Variants in KIF11 observed in about 807,000 individuals in gnomAD.
KIF11 encodes kinesin family member 11.
Under a neutral mutation model 121.0 loss-of-function variants are expected in KIF11, and 9 were observed. That is an observed-to-expected ratio of 0.07 (90% CI 0.04 to 0.13). The LOEUF (loss-of-function observed/expected upper bound fraction) is 0.13. Ranked by LOEUF, KIF11 falls within the 10% of genes least tolerant of loss-of-function variation. The pLI is 1.00. For missense variants in KIF11, 846 were observed against 1,217.5 expected (o/e 0.69, Z 4.54); for synonymous variants, 408 against 421.0 (o/e 0.97, Z 0.38).
chr10:92,597,446 G>C (rs1305422490), intron 1 of KIF11, among the ~76,000 whole-genome samples: 1 of 152,030 alleles, frequency 6.6e-6, no homozygotes. Context: ...TGTATTTTTA[G>C]TAGAGATGGG....
chr10:92,606,404 T>C lies in KIF11; in HGVS notation c.210+7T>C. On this transcript the variant is annotated splice_region_variant and intron_variant, in intron 2 of 21. Coordinates refer to ENST00000260731, the MANE Select transcript of KIF11 (RefSeq NM_004523.4). ...AACATACACTTTTGATATGGTAACA[T>C]ATGGTGCAATTTCTTTATTATCCAC... 1 of 1,583,666 alleles carries C rather than the reference T, an allele frequency of 6.3e-7. No individual in the cohort carries two copies. Among genetic ancestry groups the C allele is most frequent in the South Asian group, 1.2e-5 (1 of 85,386 alleles).
rs368961808 is a variant in KIF11, at chr10:92,618,359, A to G, written c.1128+1527A>G. ...CAGTTATAAGAAATAATACAGAGAA[A>G]ACAGGCCAGGCACGGTGGCTCATGC... On this transcript the variant is annotated intron_variant, in intron 9 of 21. Coordinates refer to ENST00000260731, the MANE Select transcript of KIF11 (RefSeq NM_004523.4). Among the ~76,000 whole-genome samples, 118 of 151,782 alleles carry G rather than the reference A, an allele frequency of 7.8e-4. 3 individuals are homozygous for G. The South Asian group carries it at 0.024, about 30-fold the overall frequency.
intron 1 of KIF11, among the ~76,000 whole-genome samples, chr10:92,597,619 G>A (rs1322332526): frequency 6.6e-6 from 1 of 150,930 alleles, no homozygotes; most frequent in African/African-American, 2.5e-5. Context: ...GGAAGATAAA[G>A]TCTTTTTTTT....
At chr10:92,603,959 A>G (rs1844403150) in intron 1 of KIF11, among the ~76,000 whole-genome samples, 3 of 152,122 alleles carry the variant, frequency 2.0e-5, no homozygotes, top group South Asian at 4.1e-4. Context: ...AAAATTACCT[A>G]TCACATAGTA....
chr10:92,637,529 A>T lies in KIF11; in HGVS notation c.2144A>T (p.Lys715Met). Residue 715 changes from lysine to methionine, a missense_variant, in exon 16 of 22, where the codon AAG becomes ATG. This residue lies in a region of KIF11 where 492 missense variants were observed against 603.4 expected (regional missense o/e 0.82). Coordinates refer to ENST00000260731, the MANE Select transcript of KIF11 (RefSeq NM_004523.4). ...CTAACTGAAGACCTGAAGACAATAAAGCAGACCCATTCCCAGGTATGTTGT... is the reference window on the plus strand; with the variant it reads ...CTAACTGAAGACCTGAAGACAATAATGCAGACCCATTCCCAGGTATGTTGT... ...GNLTEDLKTI[K>M]QTHSQELCKL... is the part of the protein sequence containing the mutation. 6.2e-7 allele frequency: 1 copy of T among 1,602,082 alleles called. No homozygotes were observed. The highest frequency in any genetic ancestry group is 8.5e-7 in the Non-Finnish European group (1 of 1,177,532).
chr10:92,651,874 G>A (rs1444647962), intron 21 of KIF11, among the ~76,000 whole-genome samples: 1 of 149,806 alleles, frequency 6.7e-6, no homozygotes, highest in Non-Finnish European at 1.5e-5. Flanking sequence ...CCTAGACAGA[G>A]TGTGTGAAGG....
chr10:92,616,102 G>C (rs930669472), intron 8 of KIF11, among the ~76,000 whole-genome samples: 11 of 152,104 alleles, frequency 7.2e-5, no homozygotes, highest in Admixed American at 3.9e-4. Flanking sequence ...CTTCCAAAGT[G>C]CTGGGATTAC....
intron 1 of KIF11, among the ~76,000 whole-genome samples, chr10:92,601,590 G>A (rs1195686961): frequency 1.4e-5 from 2 of 147,028 alleles, no homozygotes; most frequent in African/African-American, 5.0e-5. Flanking sequence ...TGGGCATTGG[G>A]CATCCTTGTC....
intron 3 of KIF11, 40 bp downstream of exon 3, chr10:92,606,756 T>A: frequency 1.0e-6 from 1 of 979,482 alleles, no homozygotes; most frequent in Non-Finnish European, 1.6e-6. Flanking sequence ...TGAAAAAGCT[T>A]AAATGCTTGT....
Position 92,616,774 on chromosome 10 carries a change from A to G in KIF11, c.1070A>G (p.Lys357Arg). The G allele has an allele frequency of 6.2e-7, 1 of 1,607,986 alleles. No homozygotes were observed. Among genetic ancestry groups the G allele is most frequent in the Non-Finnish European group, 8.5e-7 (1 of 1,176,960 alleles). The change falls in exon 9 of 22, where the codon AAG (lysine) becomes AGG (arginine). Residue 357 changes from lysine (K) to arginine (R), a missense_variant. Transcript: ENST00000260731. ...ACATTGGAATATGCTCATAGAGCAA[A>G]GAACATATTGAATAAGCCTGAAGTG... The part of the protein sequence containing the change: ...LSTLEYAHRA[K>R]NILNKPEVNQ...
At position 92,607,170 on chromosome 10, in the gene KIF11, C is replaced by G. The variant is rs753979982; in HGVS notation, c.320C>G (p.Thr107Ser). Reference protein sequence around the residue: ...YNCTIFAYGQTGTGKTFTMEG... With the variant: ...YNCTIFAYGQSGTGKTFTMEG... ...GTTAATCTTTACAGGTATGGCCAAA[C>G]TGGCACTGGAAAAACTTTTACAATG... The change falls in exon 4 of 22, where the codon ACT (threonine) becomes AGT (serine). Residue 107 changes from threonine (T) to serine (S), a missense_variant. Physicochemically the swap from Thr to Ser is moderately conservative, Grantham distance 58 (BLOSUM62 1). Coordinates refer to ENST00000260731, the MANE Select transcript of KIF11 (RefSeq NM_004523.4). 1 of 1,603,970 alleles carries G rather than the reference C, an allele frequency of 6.2e-7. No individual in the cohort carries two copies. Among genetic ancestry groups the G allele is most frequent in the South Asian group, 1.1e-5 (1 of 90,830 alleles).
chr10:92,600,614 T>C (rs926699566), intron 1 of KIF11, among the ~76,000 whole-genome samples: 1 of 151,982 alleles, frequency 6.6e-6, no homozygotes, highest in Non-Finnish European at 1.5e-5. Flanking sequence ...TTCAAGCGAT[T>C]CTCCTGCCTC....
chr10:92,598,350 T>C (rs1215845478), intron 1 of KIF11, among the ~76,000 whole-genome samples: 1 of 152,228 alleles, frequency 6.6e-6, no homozygotes, highest in Non-Finnish European at 1.5e-5. Context: ...GGTGAAAAGC[T>C]TGTCTTTTTC....
At chr10:92,650,065 A>C in intron 20 of KIF11, 79 bp downstream of exon 20, 1 of 1,095,084 alleles carries the variant, frequency 9.1e-7, no homozygotes. Flanking sequence ...GAAGAATTTT[A>C]CTGTTTACCC....
chr10:92,603,543 G>A (rs1844398769), intron 1 of KIF11, among the ~76,000 whole-genome samples: 1 of 152,052 alleles, frequency 6.6e-6, no homozygotes. Context: ...TAGAGATGAG[G>A]TTTCACCATA....
chr10:92,649,330 G>A (rs1039241537), intron 19 of KIF11, among the ~76,000 whole-genome samples: 1 of 152,160 alleles, frequency 6.6e-6, no homozygotes, highest in Admixed American at 6.5e-5. Flanking sequence ...GCCTGATGCG[G>A]TGGCTCACAC....
intron 1 of KIF11, among the ~76,000 whole-genome samples, chr10:92,602,231 C>T (rs1844380716): frequency 1.3e-5 from 2 of 151,988 alleles, no homozygotes; most frequent in South Asian, 4.2e-4. Context: ...CTTGTAGTTG[C>T]CTTTGTCTGG....
intron 4 of KIF11, among the ~76,000 whole-genome samples, chr10:92,608,531 C>T (rs960010805): frequency 2.5e-4 from 37 of 150,928 alleles, no homozygotes; most frequent in African/African-American, 7.8e-4. Flanking sequence ...CTCCACCTCC[C>T]GGGTTCAAGT....
chr10:92,650,031 CT>C, intron 20 of KIF11, 45 bp downstream of exon 20: 1 of 1,444,980 alleles, frequency 6.9e-7, no homozygotes, highest in African/African-American at 1.4e-5. Flanking sequence ...CTTTTATGAA[CT>C]CTTGATGTGG....
Sources: gnomAD v4.1 joint callset for allele counts (sites outside exome capture counted in the v4.1 genomes callset) on GRCh38, gnomAD v4.1.1 for gene constraint, gnomAD v4.1.1 regional missense constraint, MANE v1.5 for transcripts, NCBI Gene and HGNC (gene_info 2026-07-23, HGNC 2026-07-21) for gene names.